Variants in ZFAND3 observed in about 807,000 individuals in gnomAD.
ZFAND3 encodes AN1-type zinc finger protein 3.
ZFAND3 carries 10 observed loss-of-function variants against 29.6 expected under a neutral mutation model. That is an observed-to-expected ratio of 0.34 (90% CI 0.21 to 0.57). ZFAND3 has a LOEUF of 0.57. Ranked by LOEUF, ZFAND3 falls within the 20% of genes least tolerant of loss-of-function variation. ZFAND3 has a pLI of 0.86. For synonymous variants in ZFAND3, 128 were observed against 112.6 expected, an observed-to-expected ratio of 1.14 and a Z score of -0.87; for missense variants, 230 against 304.5, an observed-to-expected ratio of 0.76 and a Z score of 1.82.
chr6:38,065,761 G>A (rs1383671175), intron 3 of ZFAND3, among the ~76,000 whole-genome samples: 1 of 152,176 alleles, frequency 6.6e-6, no homozygotes, highest in African/African-American at 2.4e-5. Flanking sequence ...ACAATATTAT[G>A]AAAATGCTAC....
chr6:37,880,810 A>G (rs569156704), intron 1 of ZFAND3, among the ~76,000 whole-genome samples: 24 of 140,386 alleles, frequency 1.7e-4, no homozygotes, highest in East Asian at 6.3e-4. Flanking sequence ...ATACTCTTCA[A>G]TGAGATCACA....
intron 2 of ZFAND3, among the ~76,000 whole-genome samples, chr6:37,968,750 A>T (rs1286033280): frequency 6.6e-6 from 1 of 152,038 alleles, no homozygotes; most frequent in Non-Finnish European, 1.5e-5. Context: ...GGCTGGTGTT[A>T]AACTCCTGGT....
At chr6:37,958,059 A>G (rs1216388439) in intron 2 of ZFAND3, among the ~76,000 whole-genome samples, 9 of 152,244 alleles carry the variant, frequency 5.9e-5, no homozygotes, top group African/African-American at 1.9e-4. Context: ...ATGACTATGG[A>G]CAGACAATTA....
intron 2 of ZFAND3, among the ~76,000 whole-genome samples, chr6:38,022,787 A>G (rs1293461417): frequency 6.6e-6 from 1 of 152,184 alleles, no homozygotes; most frequent in Non-Finnish European, 1.5e-5. Flanking sequence ...AATTTCTACT[A>G]ACTTGTAATA....
rs145425453 is a variant in ZFAND3, at chr6:38,125,521, C to G, written c.529+8782C>G. The stretch of plus-strand genomic sequence containing the variant: ...AATGTGCAGGGCACATCCGCTGCAG[C>G]CTGTGTCACATCCCCACCCATCCCA... On this transcript the variant is annotated intron_variant, in intron 5 of 5. Transcript: ENST00000287218. Among the ~76,000 whole-genome samples, 1,050 of 152,294 alleles carry G rather than the reference C, an allele frequency of 6.9e-3. 7 individuals carry two copies. The highest frequency in any genetic ancestry group is 0.023 in the African/African-American group (972 of 41,552).
Position 38,116,715 on chromosome 6 carries a change from C to G in ZFAND3, c.505C>G (p.Gln169Glu). 1 of 1,614,044 alleles carries G rather than the reference C, an allele frequency of 6.2e-7. No individual in the cohort carries two copies. Among genetic ancestry groups the G allele is most frequent in the Non-Finnish European group, 8.5e-7 (1 of 1,179,952 alleles). ...QCQTKLELVQQELGSCRCGYV... is the reference protein window; with the variant it reads ...QCQTKLELVQEELGSCRCGYV... The stretch of plus-strand genomic sequence containing the variant: ...CCAAACCAAACTGGAGCTGGTGCAG[C>G]AGGAATTGGGATCGTGTCGCTGCGG... The change falls in exon 5 of 6, where the codon CAG becomes GAG. Residue 169 changes from glutamine (Q) to glutamate (E), a missense_variant. Transcript: ENST00000287218.
chr6:37,950,427 G>GACC (rs998955368), intron 2 of ZFAND3, among the ~76,000 whole-genome samples: 2 of 151,472 alleles, frequency 1.3e-5, no homozygotes, highest in African/African-American at 4.9e-5. Context: ...GCCCAGCCTG[G>GACC]AGTGCAGCAG....
intron 2 of ZFAND3, among the ~76,000 whole-genome samples, chr6:37,935,884 C>T (rs7775794): frequency 0.78 from 118,907 of 152,064 alleles, 47,401 homozygotes; most frequent in Non-Finnish European, 0.85. Flanking sequence ...AAACTAGACC[C>T]GATAGCCTAC....
intron 5 of ZFAND3, among the ~76,000 whole-genome samples, chr6:38,144,171 GATATATATATATAATAT>G (rs1327383381): frequency 0.035 from 3,017 of 87,240 alleles, 223 homozygotes; most frequent in African/African-American, 0.13. Flanking sequence ...AGAAAAATGT[GATATATATATATAATAT>G]ATATATATAT....
intron 5 of ZFAND3, among the ~76,000 whole-genome samples, chr6:38,147,725 T>C (rs1269356649): frequency 2.8e-4 from 42 of 152,228 alleles, no homozygotes; most frequent in Admixed American, 2.7e-3. Flanking sequence ...TCTCTGATGA[T>C]TAATGATGTT....
intron 2 of ZFAND3, among the ~76,000 whole-genome samples, chr6:37,977,903 C>CTT (rs1554164364): frequency 0.078 from 9,059 of 116,538 alleles, 395 homozygotes; most frequent in Middle Eastern, 0.11. Context: ...CTCTCCTCTC[C>CTT]TCTTCCTTTC....
At chr6:37,894,360 C>T (rs1489056798) in intron 1 of ZFAND3, among the ~76,000 whole-genome samples, 2 of 151,016 alleles carry the variant, frequency 1.3e-5, no homozygotes, top group African/African-American at 2.4e-5. Context: ...AATTCTCCTG[C>T]TCCTTGAAAT....
intron 2 of ZFAND3, among the ~76,000 whole-genome samples, chr6:38,006,498 T>C (rs1363673272): frequency 2.3e-4 from 35 of 152,114 alleles, no homozygotes; most frequent in Non-Finnish European, 2.9e-5. Context: ...TTCAGTATTA[T>C]TAATGCAAGA....
chr6:38,019,212 C>G (rs1406343076), intron 2 of ZFAND3, among the ~76,000 whole-genome samples: 4 of 152,224 alleles, frequency 2.6e-5, no homozygotes, highest in African/African-American at 7.2e-5. Flanking sequence ...CCCACCTCGG[C>G]CTCCCAAAGT....
intron 2 of ZFAND3, among the ~76,000 whole-genome samples, chr6:37,942,773 A>G (rs1205730366): frequency 6.8e-6 from 1 of 146,814 alleles, no homozygotes; most frequent in Non-Finnish European, 1.5e-5. Context: ...TTCACGTCAT[A>G]GAGAGACACT....
At chr6:37,901,966 A>G (rs1765326355) in intron 1 of ZFAND3, among the ~76,000 whole-genome samples, 1 of 152,176 alleles carries the variant, frequency 6.6e-6, no homozygotes, top group South Asian at 2.1e-4. Context: ...ACCAATTGAC[A>G]TGTAACACTT....
At chr6:37,829,737 C>G (rs751807703) in intron 1 of ZFAND3, among the ~76,000 whole-genome samples, 2 of 152,184 alleles carry the variant, frequency 1.3e-5, no homozygotes, top group South Asian at 4.1e-4. Context: ...CTCACCCATG[C>G]TGTAGCACTT....
intron 2 of ZFAND3, among the ~76,000 whole-genome samples, chr6:37,964,514 A>T (rs1345330004): frequency 6.6e-6 from 1 of 152,234 alleles, no homozygotes; most frequent in Non-Finnish European, 1.5e-5. Context: ...GTGACTGCAC[A>T]GCCCCTTAGA....
chr6:38,104,458 T>TA (rs1469683830), intron 4 of ZFAND3, among the ~76,000 whole-genome samples: 1 of 152,078 alleles, frequency 6.6e-6, no homozygotes, highest in Non-Finnish European at 1.5e-5. Context: ...GTTTTTTTTG[T>TA]ATCCTACAAG....
Sources: gnomAD v4.1 joint callset for allele counts (sites outside exome capture counted in the v4.1 genomes callset) on GRCh38, gnomAD v4.1.1 for gene constraint, MANE v1.5 for transcripts, NCBI Gene and HGNC (gene_info 2026-07-23, HGNC 2026-07-21) for gene names.